ARHGAP15: variants seen among roughly 807,000 people sequenced by gnomAD.
The protein encoded by ARHGAP15 is rho GTPase-activating protein 15.
Under a neutral mutation model 63.7 loss-of-function variants are expected in ARHGAP15, and 51 were observed. The ratio of observed to expected loss-of-function variants is 0.80; its 90% CI spans 0.64 to 1.01. The LOEUF is 1.01. Among genes scored for constraint, ARHGAP15 ranks in the 50% least tolerant of loss-of-function variants. The pLI is 0.00. For synonymous variants in ARHGAP15, 191 were observed against 193.8 expected (o/e 0.99, Z 0.12); for missense variants, 560 against 564.6 (o/e 0.99, Z 0.08).
intron 5 of ARHGAP15, among the ~76,000 whole-genome samples, chr2:143,232,331 C>T (rs1693480008): frequency 6.6e-6 from 1 of 151,984 alleles, no homozygotes; most frequent in Admixed American, 6.6e-5. Context: ...AAAACTGTCC[C>T]CCTTATTTGC....
intron 11 of ARHGAP15, chr2:143,563,864 AT>A (rs1333422153): frequency 6.6e-6 from 1 of 152,276 alleles, no homozygotes; most frequent in African/African-American, 2.4e-5. Context: ...TGTACTGCAT[AT>A]CTCCTGCTGC....
chr2:143,464,147 T>C (rs1040229458), intron 8 of ARHGAP15, among the ~76,000 whole-genome samples: 1 of 152,208 alleles, frequency 6.6e-6, no homozygotes, highest in African/African-American at 2.4e-5. Context: ...AAACCACTCA[T>C]TTAGCTTTGA....
chr2:143,600,142 G>A (rs1302610381), intron 11 of ARHGAP15, among the ~76,000 whole-genome samples: 1 of 152,062 alleles, frequency 6.6e-6, no homozygotes, highest in African/African-American at 2.4e-5. Context: ...GGCCTGATTT[G>A]GCTATATTTT....
At chr2:143,538,458 A>G (rs950950848) in intron 10 of ARHGAP15, among the ~76,000 whole-genome samples, 2 of 152,188 alleles carry the variant, frequency 1.3e-5, no homozygotes, top group Admixed American at 1.3e-4. Flanking sequence ...GTCTTGTGCC[A>G]GTTTTCAAAG....
chr2:143,584,014 T>C (rs6722498), intron 11 of ARHGAP15, among the ~76,000 whole-genome samples: 47,491 of 152,124 alleles, frequency 0.31, 8,192 homozygotes, highest in East Asian at 0.42. Flanking sequence ...CATTCTCCTT[T>C]GACTGATAGA....
At chr2:143,495,880 T>C (rs953182698) in intron 9 of ARHGAP15, among the ~76,000 whole-genome samples, 2 of 152,210 alleles carry the variant, frequency 1.3e-5, no homozygotes, top group Middle Eastern at 3.2e-3. Flanking sequence ...CTGAGAATAA[T>C]TATACTTGAA....
At chr2:143,468,811 C>T (rs553352959) in intron 8 of ARHGAP15, among the ~76,000 whole-genome samples, 1 of 152,144 alleles carries the variant, frequency 6.6e-6, no homozygotes, top group African/African-American at 2.4e-5. Context: ...AATCATTGTA[C>T]AGTCAAGTCA....
At position 143,667,043 on chromosome 2, in the gene ARHGAP15, C is replaced by T. The variant is rs1485886025; in HGVS notation, c.1139-36376C>T. 2.7e-5 allele frequency among the ~76,000 whole-genome samples: 4 copies of T among 149,510 alleles called. No individual in the cohort carries two copies. The South Asian group carries it at 6.4e-4, about 24-fold the overall frequency. On this transcript the variant is annotated intron_variant, in intron 12 of 13. Coordinates refer to ENST00000295095, the MANE Select transcript of ARHGAP15 (RefSeq NM_018460.4). Reference sequence around the variant, plus strand: ...CTCAGGGATCTAGAACTAGAAATACCATTTGACCCAGCCATCCCATTACTG... The same window carrying T: ...CTCAGGGATCTAGAACTAGAAATACTATTTGACCCAGCCATCCCATTACTG...
chr2:143,262,146 A>G (rs968180866), intron 6 of ARHGAP15, among the ~76,000 whole-genome samples: 14 of 152,184 alleles, frequency 9.2e-5, no homozygotes, highest in Non-Finnish European at 1.9e-4. Flanking sequence ...AAGTCCACAC[A>G]GAACTGTTGC....
chr2:143,275,392 C>T (rs1681494470), intron 6 of ARHGAP15, among the ~76,000 whole-genome samples: 3 of 152,138 alleles, frequency 2.0e-5, no homozygotes, highest in Admixed American at 6.5e-5. Flanking sequence ...AATGGAATAA[C>T]GTGTTACGTT....
chr2:143,307,853 GA>G (rs921720149), intron 6 of ARHGAP15, among the ~76,000 whole-genome samples: 1 of 151,902 alleles, frequency 6.6e-6, no homozygotes, highest in South Asian at 2.1e-4. Context: ...ATCTCCAAAA[GA>G]AAAAAAGTTC....
chr2:143,302,275 C>G (rs1449699465), intron 6 of ARHGAP15, among the ~76,000 whole-genome samples: 1 of 151,964 alleles, frequency 6.6e-6, no homozygotes, highest in Non-Finnish European at 1.5e-5. Context: ...CCTCCACAAT[C>G]AGTACCACCA....
chr2:143,247,036 T>G (rs1694067175), intron 5 of ARHGAP15, among the ~76,000 whole-genome samples: 1 of 152,192 alleles, frequency 6.6e-6, no homozygotes, highest in African/African-American at 2.4e-5. Context: ...TAACAATCTC[T>G]TTGGAATGAC....
chr2:143,484,804 G>A (rs1692247606), intron 8 of ARHGAP15, among the ~76,000 whole-genome samples: 1 of 152,006 alleles, frequency 6.6e-6, no homozygotes, highest in South Asian at 2.1e-4. Flanking sequence ...TCAACATATG[G>A]CTCAAACTGC....
intron 13 of ARHGAP15, among the ~76,000 whole-genome samples, chr2:143,711,348 G>A (rs1310171000): frequency 6.6e-6 from 1 of 152,186 alleles, no homozygotes; most frequent in African/African-American, 2.4e-5. Context: ...CTAGGCAGCA[G>A]CTGAAATTTA....
chr2:143,282,613 A>G (rs570659349), intron 6 of ARHGAP15, among the ~76,000 whole-genome samples: 1 of 143,268 alleles, frequency 7.0e-6, no homozygotes, highest in South Asian at 2.2e-4. Context: ...GAATTGTGGG[A>G]GCTACAATTC....
intron 6 of ARHGAP15, among the ~76,000 whole-genome samples, chr2:143,427,351 T>G (rs1054377573): frequency 6.6e-6 from 1 of 152,162 alleles, no homozygotes; most frequent in Non-Finnish European, 1.5e-5. Context: ...TCCCACAGTT[T>G]GCTTATTTAT....
At chr2:143,319,808 A>G (rs1405965068) in intron 6 of ARHGAP15, among the ~76,000 whole-genome samples, 1 of 152,232 alleles carries the variant, frequency 6.6e-6, no homozygotes, top group Non-Finnish European at 1.5e-5. Context: ...AATAATAAAT[A>G]ACAGGTGGAG....
intron 8 of ARHGAP15, among the ~76,000 whole-genome samples, chr2:143,458,652 C>T (rs1421119564): frequency 6.6e-6 from 1 of 152,172 alleles, no homozygotes; most frequent in Non-Finnish European, 1.5e-5. Flanking sequence ...TTAAGATAGA[C>T]ATCATTCGGA....
Sources: gnomAD v4.1 joint callset for allele counts (sites outside exome capture counted in the v4.1 genomes callset) on GRCh38, gnomAD v4.1.1 for gene constraint, MANE v1.5 for transcripts, NCBI Gene and HGNC (gene_info 2026-07-23, HGNC 2026-07-21) for gene names.